ENOX1: variants seen among roughly 807,000 people sequenced by gnomAD.
ENOX1 encodes the protein candidate growth-related and time keeping constitutive hydroquinone (NADH) oxidase.
ENOX1 carries 42 observed loss-of-function variants against 82.5 expected under a neutral mutation model. That is an observed-to-expected ratio of 0.51 (90% confidence interval 0.40 to 0.66). The LOEUF (loss-of-function observed/expected upper bound fraction) is 0.66. ENOX1 is among the 30% of genes least tolerant of loss of function. The probability of loss-of-function intolerance (pLI) is 0.00; values close to 1 mark genes in which losing one functional copy is unlikely to be tolerated. For missense variants in ENOX1, 608 were observed against 811.6 expected, an observed-to-expected ratio of 0.75 and a Z score of 3.05; for synonymous variants, 271 against 282.2, an observed-to-expected ratio of 0.96 and a Z score of 0.40.
At chr13:43,461,257 A>G (rs1334158525) in intron 3 of ENOX1, among the ~76,000 whole-genome samples, 1 of 152,186 alleles carries the variant, frequency 6.6e-6, no homozygotes, top group Non-Finnish European at 1.5e-5. Context: ...AGCAAGGAGA[A>G]ATCTACTTTG....
chr13:43,779,900 T>C (rs905037826), intron 1 of ENOX1, among the ~76,000 whole-genome samples: 9 of 152,140 alleles, frequency 5.9e-5, no homozygotes, highest in Non-Finnish European at 1.0e-4. Context: ...CTCACACCTG[T>C]AATCCCAGCA....
chr13:43,504,185 G>A lies in ENOX1; in HGVS notation c.-218-20033C>T, dbSNP rs534883066. Among the ~76,000 whole-genome samples the A allele has an allele frequency of 1.0e-3, 154 of 151,874 alleles. 1 individual carries two copies. Among genetic ancestry groups the A allele is most frequent in the African/African-American group, 3.6e-3 (151 of 41,518 alleles). ...AAATAAAAAGATAACAAATGTTGGTGAGGACACAGAGAAAAAGGAACCTTT... is the reference window on the plus strand; with the variant it reads ...AAATAAAAAGATAACAAATGTTGGTAAGGACACAGAGAAAAAGGAACCTTT... On this transcript the variant is annotated intron_variant, in intron 2 of 16. Transcript: ENST00000690772.
At chr13:43,579,320 A>G (rs866576827) in intron 2 of ENOX1, among the ~76,000 whole-genome samples, 9 of 152,306 alleles carry the variant, frequency 5.9e-5, no homozygotes, top group Middle Eastern at 6.8e-3. Context: ...ATAATTATCC[A>G]CTTGATGGAG....
intron 9 of ENOX1, among the ~76,000 whole-genome samples, chr13:43,338,060 C>T (rs1432736354): frequency 6.6e-6 from 1 of 152,220 alleles, no homozygotes; most frequent in Admixed American, 6.5e-5. Context: ...TCCCTTCTCT[C>T]TTACCAGGAA....
At chr13:43,383,317 G>T (rs1363396793) in intron 5 of ENOX1, among the ~76,000 whole-genome samples, 2 of 152,044 alleles carry the variant, frequency 1.3e-5, no homozygotes, top group Non-Finnish European at 2.9e-5. Context: ...TCTCCTTGGA[G>T]CCATGAGCAG....
intron 5 of ENOX1, among the ~76,000 whole-genome samples, chr13:43,364,776 A>G (rs1308121695): frequency 6.6e-6 from 1 of 152,180 alleles, no homozygotes; most frequent in African/African-American, 2.4e-5. Flanking sequence ...TAAGTTCCCC[A>G]CTTGAGTTTG....
intron 2 of ENOX1, among the ~76,000 whole-genome samples, chr13:43,554,951 C>G (rs1229692928): frequency 6.6e-6 from 1 of 152,180 alleles, no homozygotes; most frequent in African/African-American, 2.4e-5. Context: ...ATTTTCAAAA[C>G]TGAACTAATT....
intron 3 of ENOX1, among the ~76,000 whole-genome samples, chr13:43,445,313 T>C (rs59376388): frequency 0.044 from 6,672 of 151,926 alleles, 375 homozygotes; most frequent in African/African-American, 0.13. Flanking sequence ...TTAGTAGAGA[T>C]GGGGTTTCAC....
chr13:43,348,996 C>T (rs1443360579), intron 8 of ENOX1, among the ~76,000 whole-genome samples: 1 of 152,204 alleles, frequency 6.6e-6, no homozygotes, highest in Non-Finnish European at 1.5e-5. Flanking sequence ...TGGTTTCAGG[C>T]ATCCACTGGG....
chr13:43,473,344 C>T (rs115211841), intron 3 of ENOX1, among the ~76,000 whole-genome samples: 1,540 of 152,196 alleles, frequency 0.01, 19 homozygotes, highest in African/African-American at 0.035. Flanking sequence ...ATTCCCTTAA[C>T]TTTTCTTTTT....
At chr13:43,407,421 GTTT>G in intron 5 of ENOX1, among the ~76,000 whole-genome samples, 1 of 152,156 alleles carries the variant, frequency 6.6e-6, no homozygotes, top group East Asian at 1.9e-4. Context: ...TCACAGGTTT[GTTT>G]TTTAATTAAT....
At chr13:43,501,749 G>C (rs1285584057) in intron 2 of ENOX1, among the ~76,000 whole-genome samples, 11 of 118,526 alleles carry the variant, frequency 9.3e-5, no homozygotes, top group Non-Finnish European at 1.7e-4. Context: ...TGCATCAAAA[G>C]AAATAATAAG....
At chr13:43,492,270 T>C (rs1405122999) in intron 2 of ENOX1, among the ~76,000 whole-genome samples, 2 of 152,204 alleles carry the variant, frequency 1.3e-5, no homozygotes, top group African/African-American at 4.8e-5. Context: ...AGAGATGCTG[T>C]AGATGTTGCT....
chr13:43,666,088 A>G (rs2084963027), intron 2 of ENOX1, among the ~76,000 whole-genome samples: 3 of 151,992 alleles, frequency 2.0e-5, no homozygotes, highest in Admixed American at 2.0e-4. Flanking sequence ...AAAAATGAAC[A>G]CACCTTAATT....
intron 1 of ENOX1, among the ~76,000 whole-genome samples, chr13:43,685,873 A>AAC (rs60259011): frequency 0.16 from 21,947 of 141,250 alleles, 1,638 homozygotes; most frequent in African/African-American, 0.19. Context: ...CCCAGAAGGA[A>AAC]ACACACACAC....
At chr13:43,533,977 T>C (rs1347794405) in intron 2 of ENOX1, among the ~76,000 whole-genome samples, 1 of 152,154 alleles carries the variant, frequency 6.6e-6, no homozygotes, top group Non-Finnish European at 1.5e-5. Flanking sequence ...TGAACATTGA[T>C]GCTGTTTATT....
chr13:43,344,020 G>T (rs962573837), intron 9 of ENOX1, among the ~76,000 whole-genome samples: 2 of 152,058 alleles, frequency 1.3e-5, no homozygotes, highest in African/African-American at 4.8e-5. Flanking sequence ...TCCAAATGAA[G>T]AAAGGACAAA....
chr13:43,745,391 A>G (rs1365182181), intron 1 of ENOX1, among the ~76,000 whole-genome samples: 1 of 152,252 alleles, frequency 6.6e-6, no homozygotes, highest in Non-Finnish European at 1.5e-5. Context: ...ACATATATAC[A>G]AAGGCCAAAA....
chr13:43,454,251 G>A (rs975974028), intron 3 of ENOX1, among the ~76,000 whole-genome samples: 2 of 151,886 alleles, frequency 1.3e-5, no homozygotes, highest in Non-Finnish European at 2.9e-5. Context: ...TGCTTCTCAG[G>A]GGAAACTATT....
Sources: allele counts gnomAD v4.1 joint callset (sites outside exome capture counted in the v4.1 genomes callset), GRCh38; gene constraint gnomAD v4.1.1; transcripts MANE v1.5; gene names NCBI Gene and HGNC (gene_info 2026-07-23, HGNC 2026-07-21).